PAK5: variants seen among roughly 807,000 people sequenced by gnomAD.
PAK5 encodes p21 (RAC1) activated kinase 5, also known as serine/threonine-protein kinase PAK 5.
PAK5 carries 16 observed loss-of-function variants against 65.9 expected under a neutral mutation model. The ratio of observed to expected loss-of-function variants is 0.24; its 90% CI spans 0.16 to 0.37. PAK5 has a LOEUF of 0.37. Ranked by LOEUF, PAK5 falls within the 10% of genes least tolerant of loss-of-function variation. The pLI, the probability that PAK5 is intolerant of heterozygous loss-of-function variation, is 1.00. For synonymous variants in PAK5, 371 were observed against 354.9 expected (o/e 1.05, Z -0.51); for missense variants, 785 against 903.9 (o/e 0.87, Z 1.69).
chr20:9,660,940 C>CTTGTTTAAAAATGCAAATTTTT (rs1411409512), intron 2 of PAK5, among the ~76,000 whole-genome samples: 1 of 152,074 alleles, frequency 6.6e-6, no homozygotes. Flanking sequence ...CACTGGGGAG[C>CTTGTTTAAAAATGCAAATTTTT]TTGTTTAAAA....
In PAK5 at chr20:9,557,646, T is replaced by G. The variant is rs776208185; in HGVS notation, c.1705A>C (p.Ile569Leu). Residue 569 changes from isoleucine to leucine, a missense_variant, in exon 7 of 10, where the codon ATA becomes CTA. Coordinates refer to ENST00000353224, the MANE Select transcript of PAK5 (RefSeq NM_177990.4). ...LHNQGVIHRD[I>L]KSDSILLTSD... is the part of the protein sequence containing the mutation. ...GTCAGGAGGATGGAGTCACTTTTTA[T>G]GTCCCTGTGAATCACTCCTTGGTTA... The G allele has an allele frequency of 1.2e-6, 2 of 1,612,360 alleles. No individual in the cohort carries two copies. Among genetic ancestry groups the G allele is most frequent in the Non-Finnish European group, 1.7e-6 (2 of 1,179,122 alleles).
At chr20:9,819,026 G>C (rs2049389658) in intron 1 of PAK5, among the ~76,000 whole-genome samples, 1 of 152,130 alleles carries the variant, frequency 6.6e-6, no homozygotes, top group Non-Finnish European at 1.5e-5. Flanking sequence ...AAATCACTGA[G>C]AGAAAATATA....
chr20:9,587,331 A>G (rs1467115923), intron 3 of PAK5, among the ~76,000 whole-genome samples: 3 of 152,222 alleles, frequency 2.0e-5, no homozygotes, highest in Admixed American at 1.3e-4. Context: ...TTGAATTTAA[A>G]CAGATGTATC....
intron 1 of PAK5, among the ~76,000 whole-genome samples, chr20:9,750,084 G>A (rs531386589): frequency 9.9e-5 from 15 of 152,048 alleles, no homozygotes; most frequent in African/African-American, 3.4e-4. Context: ...AATTGTTGTT[G>A]AGCCACATAG....
chr20:9,818,356 T>A (rs375404723), intron 1 of PAK5, among the ~76,000 whole-genome samples: 2 of 152,310 alleles, frequency 1.3e-5, no homozygotes, highest in East Asian at 3.9e-4. Context: ...TTACTACTGG[T>A]CCATGCTGTG....
intron 2 of PAK5, among the ~76,000 whole-genome samples, chr20:9,664,750 C>T (rs922151035): frequency 6.6e-6 from 1 of 152,088 alleles, no homozygotes; most frequent in Non-Finnish European, 1.5e-5. Context: ...GGTTCATAGC[C>T]TTCAGCTTCA....
At chr20:9,743,966 G>A (rs1298872187) in intron 1 of PAK5, among the ~76,000 whole-genome samples, 1 of 152,194 alleles carries the variant, frequency 6.6e-6, no homozygotes, top group African/African-American at 2.4e-5. Flanking sequence ...ACAACAGAGA[G>A]ACAGGGTGAA....
At chr20:9,815,926 G>T (rs1046920020) in intron 1 of PAK5, among the ~76,000 whole-genome samples, 1 of 152,110 alleles carries the variant, frequency 6.6e-6, no homozygotes, top group African/African-American at 2.4e-5. Context: ...AATGAAGGTT[G>T]CTCTGTAAAA....
chr20:9,708,254 C>T (rs1000884545), intron 2 of PAK5, among the ~76,000 whole-genome samples: 6 of 152,094 alleles, frequency 3.9e-5, no homozygotes, highest in African/African-American at 1.4e-4. Flanking sequence ...CAGACAAACT[C>T]GGGTTTGAAT....
intron 1 of PAK5, among the ~76,000 whole-genome samples, chr20:9,810,764 T>C (rs2049289366): frequency 6.6e-6 from 1 of 152,170 alleles, no homozygotes; most frequent in Non-Finnish European, 1.5e-5. Context: ...AATAAAAATG[T>C]ACAAGATCAC....
At chr20:9,744,201 G>A (rs1475801562) in intron 1 of PAK5, among the ~76,000 whole-genome samples, 1 of 152,178 alleles carries the variant, frequency 6.6e-6, no homozygotes, top group Non-Finnish European at 1.5e-5. Context: ...CAGACTGAGA[G>A]AATAGATGTC....
At chr20:9,729,838 C>G (rs1163919846) in intron 1 of PAK5, among the ~76,000 whole-genome samples, 1 of 151,492 alleles carries the variant, frequency 6.6e-6, no homozygotes, top group Non-Finnish European at 1.5e-5. Context: ...AAAACTCTGT[C>G]TCTACAAGAA....
rs370762278 is a variant in PAK5 at position 9,796,151 on chromosome 20, T to C, written c.-162+42611A>G. ...ACATTAACAAAACAGCTAAGATCTCTAACCTCAGACAGTTAATGAACTCTT... is the reference window on the plus strand; with the variant it reads ...ACATTAACAAAACAGCTAAGATCTCCAACCTCAGACAGTTAATGAACTCTT... On this transcript the variant is annotated intron_variant, in intron 1 of 9. Coordinates refer to ENST00000353224, the MANE Select transcript of PAK5 (RefSeq NM_177990.4). Among the ~76,000 whole-genome samples the C allele has an allele frequency of 1.2e-4, 18 of 152,188 alleles. 1 individual carries two copies. In the East Asian group the frequency reaches 3.3e-3, roughly 28 times the overall value.
chr20:9,569,192 T>G (rs1190025291), intron 4 of PAK5, among the ~76,000 whole-genome samples: 1 of 152,212 alleles, frequency 6.6e-6, no homozygotes, highest in Non-Finnish European at 1.5e-5. Context: ...CCATGAAGTT[T>G]TGGGATAATT....
chr20:9,807,007 T>A (rs1236480971), intron 1 of PAK5, among the ~76,000 whole-genome samples: 1 of 152,062 alleles, frequency 6.6e-6, no homozygotes, highest in Non-Finnish European at 1.5e-5. Context: ...TCTTCCCTCA[T>A]CTTCAGAGCA....
chr20:9,810,048 C>A (rs2123752847), intron 1 of PAK5, among the ~76,000 whole-genome samples: 1 of 152,234 alleles, frequency 6.6e-6, no homozygotes, highest in East Asian at 1.9e-4. Context: ...ATTTTACCAC[C>A]TTATTTTTGT....
At position 9,766,415 on chromosome 20, in the gene PAK5, A is replaced by ACT. The variant is rs1569079190; in HGVS notation, c.-161-54981_-161-54980insAG. Among the ~76,000 whole-genome samples, 162 of 19,894 alleles carry ACT rather than the reference A, an allele frequency of 8.1e-3. 14 individuals are homozygous for ACT. Among genetic ancestry groups the ACT allele is most frequent in the African/African-American group, 0.028 (71 of 2,550 alleles). 13.1% of individuals were successfully genotyped at this position (19,894 alleles called of 152,430 possible). Reference sequence around the variant, plus strand: ...ATATATATATTCAAGCAGAATATATATGTATATATATATTCAAGCAGAATA... The same window carrying ACT: ...ATATATATATTCAAGCAGAATATATACTTGTATATATATATTCAAGCAGAATA... On this transcript the variant is annotated intron_variant, in intron 1 of 9. Transcript: ENST00000353224.
At chr20:9,709,006 T>A (rs1162098686) in intron 2 of PAK5, among the ~76,000 whole-genome samples, 1 of 152,152 alleles carries the variant, frequency 6.6e-6, no homozygotes, top group Non-Finnish European at 1.5e-5. Context: ...TCCATTTTTT[T>A]TGTTTCACTC....
chr20:9,839,061 G>A lies in PAK5; in HGVS notation c.-461C>T, dbSNP rs1381865834. 6.6e-6 allele frequency: 1 copy of A among 152,172 alleles called. No individual in the cohort carries two copies. The highest frequency in any genetic ancestry group is 1.5e-5 in the Non-Finnish European group (1 of 68,086). The allele number at this position is 152,172 out of a possible 1,614,324, so 9.4% of individuals were successfully genotyped here. The stretch of plus-strand genomic sequence containing the variant: ...TTTTCGTGGCAGCCGGCGGGAGGCA[G>A]GCTGTAGCGGCGGCCGGGGGTGGAG... On this transcript the variant is annotated 5_prime_UTR_variant, in exon 1 of 10. Transcript: ENST00000353224.
Sources: allele counts gnomAD v4.1 joint callset (sites outside exome capture counted in the v4.1 genomes callset), GRCh38; gene constraint gnomAD v4.1.1; transcripts MANE v1.5; gene names NCBI Gene and HGNC (gene_info 2026-07-23, HGNC 2026-07-21).